Variants in ADAM12 observed in about 807,000 individuals in gnomAD.
The protein encoded by ADAM12 is disintegrin and metalloproteinase domain-containing protein 12.
In ADAM12, 70 loss-of-function variants were observed where a neutral mutation model predicts 106.4. The observed-to-expected ratio is 0.66, with a 90% CI of 0.54 to 0.80. ADAM12 has a LOEUF of 0.80. ADAM12 is among the 30% of genes least tolerant of loss of function. The pLI is 0.00. For synonymous variants in ADAM12, 420 were observed against 433.5 expected, an observed-to-expected ratio of 0.97 and a Z score of 0.39; for missense variants, 1,010 against 1,171.9, an observed-to-expected ratio of 0.86 and a Z score of 2.02.
chr10:126,387,018 G>A (rs1046465006), intron 1 of ADAM12, among the ~76,000 whole-genome samples: 3 of 152,164 alleles, frequency 2.0e-5, no homozygotes, highest in Admixed American at 2.0e-4. Context: ...GGGGCGGAGG[G>A]CAGCAGTGGC....
intron 6 of ADAM12, among the ~76,000 whole-genome samples, chr10:126,117,322 C>A (rs968304724): frequency 6.6e-6 from 1 of 152,168 alleles, no homozygotes; most frequent in Admixed American, 6.5e-5. Flanking sequence ...CTGTCTGCAG[C>A]ACAGACTCCC....
intron 3 of ADAM12, among the ~76,000 whole-genome samples, chr10:126,162,272 C>T (rs1676739): frequency 2.0e-5 from 3 of 151,804 alleles, no homozygotes; most frequent in Non-Finnish European, 4.4e-5. Flanking sequence ...GAATGAGCTG[C>T]GCTGGTGGGG....
At chr10:126,039,169 G>A (rs952012811) in intron 19 of ADAM12, 125 bp downstream of exon 19, 31 of 1,168,410 alleles carry the variant, frequency 2.7e-5, no homozygotes, top group African/African-American at 2.2e-4. Flanking sequence ...CCGTGGTCTC[G>A]ATCTCCTGAC....
At chr10:126,216,861 G>A (rs867711860) in intron 3 of ADAM12, among the ~76,000 whole-genome samples, 62 of 152,174 alleles carry the variant, frequency 4.1e-4, no homozygotes, top group African/African-American at 1.4e-3. Context: ...GATCCATGAG[G>A]TACCCCCAAA....
At chr10:126,367,530 A>G (rs1364119924) in intron 1 of ADAM12, among the ~76,000 whole-genome samples, 1 of 151,874 alleles carries the variant, frequency 6.6e-6, no homozygotes, top group Admixed American at 6.6e-5. Flanking sequence ...AATCAAAGAC[A>G]AACTAGAAGA....
intron 3 of ADAM12, among the ~76,000 whole-genome samples, chr10:126,186,775 G>A (rs1957406976): frequency 6.6e-6 from 1 of 152,216 alleles, no homozygotes; most frequent in Non-Finnish European, 1.5e-5. Context: ...GAAGCAGAAT[G>A]CATCGCGGAT....
chr10:126,319,346 C>T (rs1854012487), intron 2 of ADAM12, among the ~76,000 whole-genome samples: 1 of 152,162 alleles, frequency 6.6e-6, no homozygotes. Flanking sequence ...AACACAACCT[C>T]AGCCAGGTGC....
At chr10:126,222,997 C>T (rs1958124383) in intron 3 of ADAM12, among the ~76,000 whole-genome samples, 1 of 152,238 alleles carries the variant, frequency 6.6e-6, no homozygotes, top group African/African-American at 2.4e-5. Context: ...ATCATACTTA[C>T]TAATTGTTCC....
chr10:126,268,585 T>C (rs1459281793), intron 3 of ADAM12, among the ~76,000 whole-genome samples: 6 of 152,180 alleles, frequency 3.9e-5, no homozygotes, highest in Non-Finnish European at 7.3e-5. Context: ...CTCTTTGTCA[T>C]CACTAATGAA....
intron 8 of ADAM12, among the ~76,000 whole-genome samples, chr10:126,106,475 T>C (rs187846226): frequency 3.9e-4 from 54 of 139,926 alleles, no homozygotes; most frequent in Middle Eastern, 3.5e-3. Flanking sequence ...TCCCTTCTTT[T>C]TCTTCTTCTT....
intron 9 of ADAM12, 26 bp from the exon 10 acceptor site, chr10:126,098,526 T>C (rs780470878): frequency 6.3e-7 from 1 of 1,581,904 alleles, no homozygotes; most frequent in Admixed American, 1.7e-5. Context: ...GAGGACTTTC[T>C]TTAATCAAAT....
chr10:126,285,212 G>C (rs1004716626), intron 2 of ADAM12, among the ~76,000 whole-genome samples: 1 of 152,230 alleles, frequency 6.6e-6, no homozygotes, highest in Non-Finnish European at 1.5e-5. Context: ...GGGTTCTGCT[G>C]CAAGAGAAGC....
chr10:126,243,489 A>ATGTGTGTGTGTGTGTGTGTG (rs57227903), intron 3 of ADAM12, among the ~76,000 whole-genome samples: 2,816 of 146,858 alleles, frequency 0.019, 64 homozygotes, highest in Non-Finnish European at 0.024. Flanking sequence ...GTGTGAGTGT[A>ATGTGTGTGTGTGTGTGTGTG]TGTGTGTGTG....
At chr10:126,361,682 A>T (rs1233835482) in intron 1 of ADAM12, among the ~76,000 whole-genome samples, 1 of 152,196 alleles carries the variant, frequency 6.6e-6, no homozygotes. Context: ...GATACATGAT[A>T]GAAAAAGTGC....
chr10:126,179,031 A>T (rs1278182020), intron 3 of ADAM12, among the ~76,000 whole-genome samples: 1 of 152,146 alleles, frequency 6.6e-6, no homozygotes, highest in Non-Finnish European at 1.5e-5. Context: ...TGGGCAACAC[A>T]GTGAGACTCT....
rs115958683 is a variant in ADAM12 at position 126,135,530 on chromosome 10, G to A, written c.416+54C>T. On this transcript the variant is annotated intron_variant, in intron 5 of 22. Transcript: ENST00000448723. ...TTAGCACGAGCAGGAAAAGACAGAG[G>A]TTGCCTGCAGTAGATGGCTGAAGAC... 2,294 of 1,530,966 alleles carry A rather than the reference G, an allele frequency of 1.5e-3. 35 individuals carry two copies. In the African/African-American group the frequency reaches 0.028, roughly 19 times the overall value. 94.8% of individuals were successfully genotyped at this position (1,530,966 alleles called of 1,614,324 possible).
At chr10:126,321,691 G>A (rs576646871) in intron 2 of ADAM12, among the ~76,000 whole-genome samples, 1 of 152,186 alleles carries the variant, frequency 6.6e-6, no homozygotes, top group Admixed American at 6.5e-5. Flanking sequence ...GGGAGAGAGC[G>A]CTGGCGAGTG....
intron 2 of ADAM12, among the ~76,000 whole-genome samples, chr10:126,313,188 G>A (rs1289974804): frequency 6.6e-6 from 1 of 152,186 alleles, no homozygotes; most frequent in Non-Finnish European, 1.5e-5. Context: ...AGCGCTGGCT[G>A]TCGGCTTTCC....
Position 126,232,290 on chromosome 10 carries a change from C to T in ADAM12, c.260+46625G>A, listed in dbSNP as rs115934487. Among the ~76,000 whole-genome samples the T allele has an allele frequency of 4.3e-3, 655 of 152,004 alleles. 7 individuals are homozygous for T. Among genetic ancestry groups the T allele is most frequent in the African/African-American group, 0.015 (613 of 41,450 alleles). The stretch of plus-strand genomic sequence containing the variant: ...GATGCCACACTGCTGGCTTTGAAAA[C>T]GGAGGATGAGGTCAAGAACCAGGGT... On this transcript the variant is annotated intron_variant, in intron 3 of 22. Transcript: ENST00000448723.
Sources: gnomAD v4.1 joint callset for allele counts (sites outside exome capture counted in the v4.1 genomes callset) on GRCh38, gnomAD v4.1.1 for gene constraint, MANE v1.5 for transcripts, NCBI Gene and HGNC (gene_info 2026-07-23, HGNC 2026-07-21) for gene names.